HFM1: variants seen among roughly 807,000 people sequenced by gnomAD.
The protein encoded by HFM1 is helicase for meiosis 1.
A neutral mutation model predicts 192.1 loss-of-function variants in HFM1; 169 were observed. The ratio of observed to expected loss-of-function variants is 0.88; its 90% CI spans 0.78 to 1.00. The LOEUF is 1.00. HFM1 is among the 50% of genes least tolerant of loss of function. The pLI, the probability that HFM1 is intolerant of heterozygous loss-of-function variation, is 0.00. For synonymous variants in HFM1, 525 were observed against 537.8 expected, an observed-to-expected ratio of 0.98 and a Z score of 0.33; for missense variants, 1,661 against 1,668.0, an observed-to-expected ratio of 1.00 and a Z score of 0.07.
At position 91,378,463 on chromosome 1, in the gene HFM1, C is replaced by T; in HGVS notation, c.1176G>A (p.Met392Ile). The change falls in exon 10 of 39, where the codon ATG becomes ATA. Residue 392 changes from methionine to isoleucine, a missense_variant. Physicochemically the swap from Met to Ile is conservative, Grantham distance 10. Transcript: ENST00000370425. The part of the protein sequence containing the change: ...IMTTPEKWDS[M>I]TRKWRDNSLV... Reference sequence around the variant, plus strand: ...AAGAGTTGTCTCTCCATTTCCTAGTCATGCTATCCCATTTTTCCTAGAGAG... The same window carrying T: ...AAGAGTTGTCTCTCCATTTCCTAGTTATGCTATCCCATTTTTCCTAGAGAG... The T allele has an allele frequency of 6.2e-7, 1 of 1,600,066 alleles. No individual in the cohort carries two copies. The highest frequency in any genetic ancestry group is 1.1e-5 in the South Asian group (1 of 89,458).
At chr1:91,371,253 C>T (rs1426020696) in intron 13 of HFM1, among the ~76,000 whole-genome samples, 3 of 151,096 alleles carry the variant, frequency 2.0e-5, no homozygotes, top group Non-Finnish European at 2.9e-5. Context: ...TTAAAGTTCA[C>T]ATGGAACCGA....
At chr1:91,274,192 T>G (rs1332728613) in intron 33 of HFM1, among the ~76,000 whole-genome samples, 3 of 151,938 alleles carry the variant, frequency 2.0e-5, no homozygotes, top group Non-Finnish European at 4.4e-5. Flanking sequence ...AAAAGAACAA[T>G]GAGTTACCAC....
At chr1:91,344,989 G>A (rs183158197) in intron 19 of HFM1, among the ~76,000 whole-genome samples, 13 of 151,888 alleles carry the variant, frequency 8.6e-5, no homozygotes, top group Admixed American at 3.3e-4. Context: ...TGAGCTCAAG[G>A]CAATCTGCCC....
At chr1:91,329,103 C>T (rs1386037054) in intron 20 of HFM1, 4 of 1,609,624 alleles carry the variant, frequency 2.5e-6, no homozygotes, top group African/African-American at 1.3e-5. Flanking sequence ...GAGTATTGGG[C>T]CCAAGCGGGC....
chr1:91,399,492 T>C (rs1664054933), intron 2 of HFM1, among the ~76,000 whole-genome samples: 1 of 152,214 alleles, frequency 6.6e-6, no homozygotes, highest in Non-Finnish European at 1.5e-5. Context: ...ATATCCAAAA[T>C]CCTTATTCCA....
At chr1:91,368,975 G>A (rs142944589) in intron 13 of HFM1, among the ~76,000 whole-genome samples, 1,881 of 152,156 alleles carry the variant, frequency 0.012, 42 homozygotes, top group African/African-American at 0.042. Context: ...CAGACTTTAA[G>A]CCAACAAAGA....
intron 2 of HFM1, among the ~76,000 whole-genome samples, chr1:91,400,400 T>C (rs1664170775): frequency 6.6e-6 from 1 of 152,346 alleles, no homozygotes; most frequent in Non-Finnish European, 1.5e-5. Flanking sequence ...CTTTGAGCAT[T>C]ATTTCCCATC....
chr1:91,345,161 A>G (rs1283643424), intron 19 of HFM1, among the ~76,000 whole-genome samples: 2 of 152,208 alleles, frequency 1.3e-5, no homozygotes, highest in African/African-American at 4.8e-5. Flanking sequence ...CAACAACATC[A>G]TAGAATCATT....
intron 13 of HFM1, among the ~76,000 whole-genome samples, chr1:91,369,681 C>G (rs1031613749): frequency 5.3e-5 from 8 of 152,028 alleles, no homozygotes; most frequent in African/African-American, 9.7e-5. Flanking sequence ...ATTAAAAGAA[C>G]TAGGGAAGCA....
upstream of HFM1, chr1:91,404,961 A>G (rs1664730784): frequency 2.3e-6 from 1 of 432,256 alleles, no homozygotes; most frequent in African/African-American, 2.0e-5. Context: ...TTTTGAATAT[A>G]TCTCTTGCAG....
chr1:91,305,357 T>C (rs1222056923), intron 30 of HFM1, among the ~76,000 whole-genome samples: 3 of 152,202 alleles, frequency 2.0e-5, no homozygotes. Context: ...TGGTGTTTTG[T>C]AGTTTTCAGT....
intron 20 of HFM1, among the ~76,000 whole-genome samples, chr1:91,328,054 A>C (rs569266693): frequency 1.3e-5 from 2 of 152,344 alleles, no homozygotes; most frequent in African/African-American, 4.8e-5. Context: ...GATGCATCTT[A>C]AAGAACTAGA....
chr1:91,323,089 G>A lies in HFM1; in HGVS notation c.2534+4C>T. 1 of 1,472,826 alleles carries A rather than the reference G, an allele frequency of 6.8e-7. No homozygotes were observed. Among genetic ancestry groups the A allele is most frequent in the Non-Finnish European group, 9.3e-7 (1 of 1,072,060 alleles). The allele number at this position is 1,472,826 out of a possible 1,614,324, so 91.2% of individuals were successfully genotyped here. A position where few individuals can be genotyped will look rare whatever the true frequency, so the allele number is the denominator to read the frequency against. On this transcript the variant is annotated splice_donor_region_variant and intron_variant, in intron 22 of 38. Coordinates refer to ENST00000370425, the MANE Select transcript of HFM1 (RefSeq NM_001017975.6). The stretch of plus-strand genomic sequence containing the variant: ...ATTATTTAAAACATATGTAATTTCT[G>A]TACCTGATAGTTATCCGATTTGGAT...
intron 1 of HFM1, among the ~76,000 whole-genome samples, chr1:91,402,187 A>G (rs1381506535): frequency 6.6e-6 from 1 of 152,176 alleles, no homozygotes; most frequent in Admixed American, 6.5e-5. Context: ...ACCAAGTCAG[A>G]TTATGTCTCT....
intron 20 of HFM1, among the ~76,000 whole-genome samples, chr1:91,333,600 A>T (rs1201322220): frequency 6.6e-6 from 1 of 152,196 alleles, no homozygotes; most frequent in Non-Finnish European, 1.5e-5. Context: ...TGTACATTTT[A>T]AAAATAACTT....
chr1:91,314,128 T>C (rs1305265564), intron 28 of HFM1, 68 bp from the exon 29 acceptor site: 4 of 932,112 alleles, frequency 4.3e-6, no homozygotes, highest in Non-Finnish European at 6.6e-6. Flanking sequence ...CTTGAAGGGC[T>C]GATTGTTCTT....
intron 13 of HFM1, among the ~76,000 whole-genome samples, chr1:91,370,199 CA>C (rs1659976581): frequency 6.6e-6 from 1 of 152,118 alleles, no homozygotes. Flanking sequence ...GAAACTATTC[CA>C]ATCAATAGAA....
At chr1:91,379,541 C>T (rs1353729104) in intron 8 of HFM1, among the ~76,000 whole-genome samples, 3 of 151,928 alleles carry the variant, frequency 2.0e-5, no homozygotes, top group African/African-American at 7.3e-5. Context: ...TGTGCTGGGC[C>T]GCATTCAAAG....
intron 6 of HFM1, among the ~76,000 whole-genome samples, chr1:91,381,745 A>G (rs1328085274): frequency 6.6e-6 from 1 of 152,202 alleles, no homozygotes; most frequent in Non-Finnish European, 1.5e-5. Context: ...AAAGAAGAAA[A>G]TGAGTTCCTA....
Sources: allele counts gnomAD v4.1 joint callset (sites outside exome capture counted in the v4.1 genomes callset), GRCh38; gene constraint gnomAD v4.1.1; transcripts MANE v1.5; gene names NCBI Gene and HGNC (gene_info 2026-07-23, HGNC 2026-07-21).